RAPGEF5: variants seen among roughly 807,000 people sequenced by gnomAD.
RAPGEF5 encodes the protein M-Ras-regulated GEF.
A neutral mutation model predicts 125.2 loss-of-function variants in RAPGEF5; 65 were observed. The observed-to-expected ratio is 0.52, with a 90% CI of 0.43 to 0.64. RAPGEF5 has a LOEUF of 0.64. Among genes scored for constraint, RAPGEF5 ranks in the 30% least tolerant of loss-of-function variants. RAPGEF5 has a pLI of 0.00. For missense variants in RAPGEF5, 958 were observed against 1,048.1 expected (o/e 0.91, Z 1.19); for synonymous variants, 391 against 385.9 (o/e 1.01, Z -0.16).
intron 11 of RAPGEF5, among the ~76,000 whole-genome samples, chr7:22,180,678 A>C (rs1784646736): frequency 6.6e-6 from 1 of 152,180 alleles, no homozygotes; most frequent in Non-Finnish European, 1.5e-5. Flanking sequence ...GTACACTGAA[A>C]ATTTCCAGAA....
At chr7:22,161,126 G>A (rs980160430) in intron 13 of RAPGEF5, among the ~76,000 whole-genome samples, 2 of 151,970 alleles carry the variant, frequency 1.3e-5, no homozygotes, top group Non-Finnish European at 2.9e-5. Context: ...GGAGAATGGC[G>A]TGAACCCAGG....
chr7:22,131,928 C>T (rs1292450438), intron 23 of RAPGEF5, among the ~76,000 whole-genome samples: 2 of 152,218 alleles, frequency 1.3e-5, no homozygotes, highest in African/African-American at 4.8e-5. Flanking sequence ...TAGCCATAAT[C>T]GGATCAGAGG....
At chr7:22,166,064 ATATACATATATATG>A (rs1023019464) in intron 12 of RAPGEF5, among the ~76,000 whole-genome samples, 1 of 146,594 alleles carries the variant, frequency 6.8e-6, no homozygotes, top group Non-Finnish European at 1.5e-5. Context: ...TATATATATT[ATATACATATATATG>A]TATCATATAT....
At chr7:22,228,899 C>T (rs1785989529) in intron 8 of RAPGEF5, among the ~76,000 whole-genome samples, 1 of 152,080 alleles carries the variant, frequency 6.6e-6, no homozygotes, top group Admixed American at 6.6e-5. Context: ...CATTATGCTG[C>T]CCAACATTTA....
intron 8 of RAPGEF5, among the ~76,000 whole-genome samples, 185 bp downstream of exon 8, chr7:22,230,661 A>C (rs577629271): frequency 1.3e-5 from 2 of 152,212 alleles, no homozygotes; most frequent in Admixed American, 1.3e-4. Flanking sequence ...TTATAAATAT[A>C]ATTACCAATT....
chr7:22,242,563 C>A (rs1160632457), intron 7 of RAPGEF5, among the ~76,000 whole-genome samples: 1 of 152,180 alleles, frequency 6.6e-6, no homozygotes, highest in African/African-American at 2.4e-5. Context: ...GTGGCTCCAA[C>A]AATCCCTGCA....
Position 22,245,805 on chromosome 7 carries a change from A to C in RAPGEF5, c.797-14886T>G, listed in dbSNP as rs146636227. Among the ~76,000 whole-genome samples, 1,029 of 152,294 alleles carry C rather than the reference A, an allele frequency of 6.8e-3. 12 individuals are homozygous for C. The highest frequency in any genetic ancestry group is 0.023 in the African/African-American group (943 of 41,576). On this transcript the variant is annotated intron_variant, in intron 7 of 25. Transcript: ENST00000665637. ...TAAAAGGCATCCAATTAGGAAAACT[A>C]TCTCTCTTCACTGATACGATTCTAT...
chr7:22,153,448 T>C (rs1481137228), intron 17 of RAPGEF5, among the ~76,000 whole-genome samples: 1 of 152,140 alleles, frequency 6.6e-6, no homozygotes, highest in Non-Finnish European at 1.5e-5. Flanking sequence ...GATATACAAT[T>C]AGAGCCCTGG....
At chr7:22,146,734 T>C (rs540461235) in intron 19 of RAPGEF5, among the ~76,000 whole-genome samples, 163 bp downstream of exon 19, 1 of 152,326 alleles carries the variant, frequency 6.6e-6, no homozygotes, top group Non-Finnish European at 1.5e-5. Flanking sequence ...CATATTCTGA[T>C]TTTTTTAGAA....
At chr7:22,306,228 A>C (rs1783337263) in intron 5 of RAPGEF5, among the ~76,000 whole-genome samples, 1 of 152,116 alleles carries the variant, frequency 6.6e-6, no homozygotes, top group Non-Finnish European at 1.5e-5. Context: ...CTGTCTTTTG[A>C]ACATAAGCCA....
At chr7:22,303,058 T>C (rs558247686) in intron 5 of RAPGEF5, among the ~76,000 whole-genome samples, 1 of 152,322 alleles carries the variant, frequency 6.6e-6, no homozygotes, top group Admixed American at 6.5e-5. Context: ...CACAGCTGAA[T>C]TGAAATAGTC....
At chr7:22,241,970 G>A (rs1786342832) in intron 7 of RAPGEF5, among the ~76,000 whole-genome samples, 1 of 152,080 alleles carries the variant, frequency 6.6e-6, no homozygotes, top group Admixed American at 6.5e-5. Context: ...ATGCTAAGTT[G>A]CAGGCTCCTC....
chr7:22,316,063 TTTAAC>T (rs1783582206), intron 2 of RAPGEF5, among the ~76,000 whole-genome samples: 1 of 152,154 alleles, frequency 6.6e-6, no homozygotes, highest in Admixed American at 6.5e-5. Flanking sequence ...AAAAATTTCA[TTTAAC>T]TTATTTTTTT....
intron 9 of RAPGEF5, among the ~76,000 whole-genome samples, chr7:22,215,588 G>A (rs1833108): frequency 0.9 from 136,916 of 152,062 alleles, 61,812 homozygotes; most frequent in East Asian, 0.99. Context: ...ACATCGGCTT[G>A]AACAAAAGTT....
chr7:22,162,035 A>C (rs76203113), intron 13 of RAPGEF5, among the ~76,000 whole-genome samples: 2,850 of 152,330 alleles, frequency 0.019, 88 homozygotes, highest in African/African-American at 0.065. Context: ...CAAATGTTTC[A>C]AAGAACATAC....
At chr7:22,348,105 G>C (rs1225822916) in intron 1 of RAPGEF5, among the ~76,000 whole-genome samples, 2 of 152,098 alleles carry the variant, frequency 1.3e-5, no homozygotes, top group African/African-American at 4.8e-5. Context: ...TCTAACCAGG[G>C]GTCTTGTGGC....
intron 8 of RAPGEF5, among the ~76,000 whole-genome samples, chr7:22,220,490 A>G (rs1416903828): frequency 6.6e-6 from 1 of 152,206 alleles, no homozygotes; most frequent in Non-Finnish European, 1.5e-5. Flanking sequence ...TCACAAGATA[A>G]TTTTTTTCAC....
At chr7:22,147,920 A>C (rs1312026955) in intron 18 of RAPGEF5, among the ~76,000 whole-genome samples, 2 of 152,244 alleles carry the variant, frequency 1.3e-5, no homozygotes, top group Admixed American at 1.3e-4. Flanking sequence ...ACTGAAAAAT[A>C]AGTTATTTGC....
At chr7:22,258,775 T>A (rs957969546) in intron 7 of RAPGEF5, among the ~76,000 whole-genome samples, 2 of 151,846 alleles carry the variant, frequency 1.3e-5, no homozygotes, top group Admixed American at 6.6e-5. Context: ...CAACAAGTGG[T>A]TCAGAAACAA....
Sources: allele counts gnomAD v4.1 joint callset (sites outside exome capture counted in the v4.1 genomes callset), GRCh38; gene constraint gnomAD v4.1.1; transcripts MANE v1.5; gene names NCBI Gene and HGNC (gene_info 2026-07-23, HGNC 2026-07-21).